The following CPED1 variants were observed in gnomAD, a reference collection of about 807,000 sequenced individuals.
The protein encoded by CPED1 is cadherin-like and PC-esterase domain-containing protein 1.
CPED1 carries 114 observed loss-of-function variants against 128.2 expected under a neutral mutation model. The ratio of observed to expected loss-of-function variants is 0.89; its 90% CI spans 0.76 to 1.04. The LOEUF (loss-of-function observed/expected upper bound fraction) is 1.04. Among genes scored for constraint, CPED1 ranks in the 50% least tolerant of loss-of-function variants. CPED1 has a pLI of 0.00. For synonymous variants in CPED1, 462 were observed against 426.7 expected (o/e 1.08, Z -1.02); for missense variants, 1,211 against 1,207.1 (o/e 1.00, Z -0.05).
intron 22 of CPED1, among the ~76,000 whole-genome samples, chr7:121,287,541 C>G (rs918549625): frequency 3.4e-4 from 51 of 152,148 alleles, no homozygotes; most frequent in Admixed American, 3.3e-3. Flanking sequence ...AGATTCAAAT[C>G]ATAATGAGTC....
At chr7:121,271,151 C>T (rs1792220722) in intron 21 of CPED1, 133 bp from the exon 22 acceptor site, 2 of 589,708 alleles carry the variant, frequency 3.4e-6, no homozygotes, top group Admixed American at 3.4e-5. Flanking sequence ...TTAAGAAATG[C>T]ATGTGAAGTT....
intron 16 of CPED1, among the ~76,000 whole-genome samples, chr7:121,170,965 G>A (rs1395299158): frequency 3.3e-5 from 5 of 151,826 alleles, no homozygotes; most frequent in Admixed American, 1.3e-4. Flanking sequence ...CAAGAGAATC[G>A]CTTGAACCTG....
intron 22 of CPED1, among the ~76,000 whole-genome samples, chr7:121,276,875 C>A (rs1385309863): frequency 6.6e-6 from 1 of 152,048 alleles, no homozygotes; most frequent in African/African-American, 2.4e-5. Flanking sequence ...CTGGATGATC[C>A]TGTAGGTGAT....
At chr7:121,211,944 CTT>C (rs1387884826) in intron 16 of CPED1, among the ~76,000 whole-genome samples, 5 of 152,118 alleles carry the variant, frequency 3.3e-5, no homozygotes, top group African/African-American at 1.2e-4. Flanking sequence ...AAATGACACT[CTT>C]ATATCTTGAC....
chr7:121,022,540 G>A (rs1792469478), intron 3 of CPED1, among the ~76,000 whole-genome samples: 1 of 151,830 alleles, frequency 6.6e-6, no homozygotes, highest in South Asian at 2.1e-4. Flanking sequence ...TCAGTTATAG[G>A]TGCTGTGAAT....
intron 13 of CPED1, among the ~76,000 whole-genome samples, chr7:121,134,889 G>T (rs989986113): frequency 6.6e-6 from 1 of 151,712 alleles, no homozygotes; most frequent in African/African-American, 2.4e-5. Flanking sequence ...ACTTCTAAAT[G>T]TTCATTTTAA....
intron 2 of CPED1, among the ~76,000 whole-genome samples, chr7:121,009,623 A>AT: frequency 6.6e-6 from 1 of 151,856 alleles, no homozygotes; most frequent in Non-Finnish European, 1.5e-5. Flanking sequence ...AAAAAAAAAA[A>AT]AAAAGTTCAC....
At chr7:121,163,667 A>T (rs1563051148) in intron 16 of CPED1, among the ~76,000 whole-genome samples, 1 of 152,236 alleles carries the variant, frequency 6.6e-6, no homozygotes, top group East Asian at 1.9e-4. Flanking sequence ...ACAGAGCAGG[A>T]TTACTTGGCA....
intron 16 of CPED1, among the ~76,000 whole-genome samples, chr7:121,203,894 G>C (rs1797460789): frequency 6.6e-6 from 1 of 152,190 alleles, no homozygotes; most frequent in African/African-American, 2.4e-5. Context: ...ACATGGCAGG[G>C]TTGGCTCTAG....
At chr7:121,241,707 A>G (rs1798401850) in intron 17 of CPED1, among the ~76,000 whole-genome samples, 1 of 152,160 alleles carries the variant, frequency 6.6e-6, no homozygotes, top group African/African-American at 2.4e-5. Context: ...GGACCCTTCC[A>G]GAAAACTCTG....
At chr7:121,059,837 G>T (rs538206567) in intron 4 of CPED1, among the ~76,000 whole-genome samples, 2 of 152,290 alleles carry the variant, frequency 1.3e-5, no homozygotes, top group African/African-American at 4.8e-5. Flanking sequence ...GCTCGCTCTC[G>T]GCGCCTCCTC....
chr7:121,262,733 CT>C (rs536436836), intron 18 of CPED1, among the ~76,000 whole-genome samples: 2 of 151,966 alleles, frequency 1.3e-5, no homozygotes, highest in Non-Finnish European at 2.9e-5. Flanking sequence ...TGCAAATTTC[CT>C]TTTTAAAAAT....
In CPED1 at chr7:121,296,953, T is replaced by G. The variant is rs1792834264; in HGVS notation, c.*1301T>G. The G allele has an allele frequency of 6.6e-6, 1 of 152,238 alleles. No homozygotes were observed. The highest frequency in any genetic ancestry group is 2.4e-5 in the African/African-American group (1 of 41,444). 9.4% of individuals were successfully genotyped at this position (152,238 alleles called of 1,614,324 possible). On this transcript the variant is annotated 3_prime_UTR_variant, in exon 23 of 23. Transcript: ENST00000310396. ...TACAAGAAAAAAACACCTATTTTGA[T>G]TGATCAGTTCTTTTGTATGAATATC...
At chr7:121,216,406 G>A (rs1466691898) in intron 16 of CPED1, among the ~76,000 whole-genome samples, 1 of 151,962 alleles carries the variant, frequency 6.6e-6, no homozygotes, top group Non-Finnish European at 1.5e-5. Context: ...TCAGTACTTG[G>A]TTGCAGGGCC....
intron 18 of CPED1, among the ~76,000 whole-genome samples, chr7:121,256,112 A>C (rs930957337): frequency 6.2e-5 from 4 of 64,036 alleles, no homozygotes; most frequent in Non-Finnish European, 1.2e-4. Flanking sequence ...AATCCTAAGC[A>C]AAAAAAAAAA....
intron 4 of CPED1, among the ~76,000 whole-genome samples, chr7:121,054,272 G>A (rs1010638392): frequency 8.5e-5 from 13 of 152,080 alleles, no homozygotes; most frequent in South Asian, 2.1e-4. Context: ...TACCATACCC[G>A]TGTTTGCCAT....
At chr7:121,102,803 C>T (rs536520801) in intron 7 of CPED1, among the ~76,000 whole-genome samples, 2 of 152,082 alleles carry the variant, frequency 1.3e-5, no homozygotes, top group Non-Finnish European at 2.9e-5. Flanking sequence ...AACAACTCCC[C>T]TCCCCCAACT....
intron 4 of CPED1, among the ~76,000 whole-genome samples, chr7:121,057,504 C>A (rs1302239490): frequency 1.3e-5 from 2 of 152,090 alleles, no homozygotes; most frequent in Admixed American, 6.5e-5. Flanking sequence ...GTGTTTAGCT[C>A]CTACTTATAA....
rs189090300 is a variant in CPED1, at chr7:121,180,065, T to C, written c.2055+37924T>C. Among the ~76,000 whole-genome samples, 464 of 152,232 alleles carry C rather than the reference T, an allele frequency of 3.0e-3. 8 individuals are homozygous for C. Among genetic ancestry groups the C allele is most frequent in the Admixed American group, 0.028 (430 of 15,250 alleles). ...AAGTACACATCATTTGACTATTCTC[T>C]CAGTGAATGAGATTGCTTGGATTTT... On this transcript the variant is annotated intron_variant, in intron 16 of 22. Coordinates refer to ENST00000310396, the MANE Select transcript of CPED1 (RefSeq NM_024913.5).
Sources: allele counts gnomAD v4.1 joint callset (sites outside exome capture counted in the v4.1 genomes callset), GRCh38; gene constraint gnomAD v4.1.1; transcripts MANE v1.5; gene names NCBI Gene and HGNC (gene_info 2026-07-23, HGNC 2026-07-21).